CEACAM3: variants seen among roughly 807,000 people sequenced by gnomAD.
CEACAM3 encodes the protein CEA cell adhesion molecule 3, also known as cell adhesion molecule CEACAM3.
CEACAM3 carries 32 observed loss-of-function variants against 30.1 expected under a neutral mutation model. That is an observed-to-expected ratio of 1.06 (90% CI 0.80 to 1.43). The LOEUF is 1.43. Ranked by LOEUF, CEACAM3 falls within the 40% of genes most tolerant of loss-of-function variation. The probability of loss-of-function intolerance (pLI) is 0.00; values close to 1 mark genes in which losing one functional copy is unlikely to be tolerated. For synonymous variants in CEACAM3, 134 were observed against 127.2 expected (o/e 1.05, Z -0.36); for missense variants, 290 against 316.3 (o/e 0.92, Z 0.63).
rs561432911 is a variant in CEACAM3, at chr19:41,797,948, C to T, written c.424C>T (p.Gln142Ter). ...AGCAACTGGACAGTTCCATGTATAC[C>T]GTGAGTATTTCCACATGACCTCTGG... ...EEATGQFHVYQENAPGLPVGA... is the reference protein window; with the variant it reads ...EEATGQFHVY Residue 142 changes from glutamine to a stop codon, truncating the protein, a stop_gained and splice_region_variant, in exon 2 of 7, where the codon CAA becomes TAA. Transcript: ENST00000357396. LOFTEE classifies it high-confidence loss of function. 13 of 1,593,782 alleles carry T rather than the reference C, an allele frequency of 8.2e-6. No individual in the cohort carries two copies. The highest frequency in any genetic ancestry group is 1.7e-5 in the Admixed American group (1 of 58,466).
chr19:41,805,129 C>G (rs531508646), intron 2 of CEACAM3, among the ~76,000 whole-genome samples: 3 of 152,124 alleles, frequency 2.0e-5, no homozygotes, highest in African/African-American at 7.2e-5. Context: ...TGCTCTTATG[C>G]ATAAGAGATA....
chr19:41,803,714 C>T (rs2073174809), intron 2 of CEACAM3, among the ~76,000 whole-genome samples: 1 of 45,896 alleles, frequency 2.2e-5, no homozygotes, highest in African/African-American at 3.5e-5. Flanking sequence ...GATCTGCCCG[C>T]CTTGGCCTCC....
chr19:41,810,682 G>T (rs1179658435), intron 5 of CEACAM3, 150 bp from the exon 6 acceptor site: 1 of 768,392 alleles, frequency 1.3e-6, no homozygotes, highest in South Asian at 1.5e-5. Flanking sequence ...TCAGGGTGCT[G>T]TGTCCACACT....
intron 2 of CEACAM3, among the ~76,000 whole-genome samples, chr19:41,803,439 TGTGTGTGTGTGTGTG>T (rs2073169123): frequency 2.1e-5 from 3 of 140,934 alleles, no homozygotes; most frequent in African/African-American, 7.6e-5. Context: ...TGTGTGTGTG[TGTGTGTGTGTGTGTG>T]TGTGTTGTTT....
rs2073174880 is a variant in CEACAM3 at position 41,803,716 on chromosome 19, T to TGCAGC, written c.425-5097_425-5096insGCAGC. Reference sequence around the variant, plus strand: ...CTCCCAACCTCATGATCTGCCCGCCTTGGCCTCCAAAAGTGCTGGGATTAC... The same window carrying TGCAGC: ...CTCCCAACCTCATGATCTGCCCGCCTGCAGCTGGCCTCCAAAAGTGCTGGGATTAC... On this transcript the variant is annotated intron_variant, in intron 2 of 6. Coordinates refer to ENST00000357396, the MANE Select transcript of CEACAM3 (RefSeq NM_001815.5). Among the ~76,000 whole-genome samples the TGCAGC allele has an allele frequency of 4.4e-5, 2 of 45,686 alleles. 1 individual carries two copies. The highest frequency in any genetic ancestry group is 2.1e-4 in the Non-Finnish European group (2 of 9,594). 30.0% of individuals were successfully genotyped at this position (45,686 alleles called of 152,430 possible). A position where few individuals can be genotyped will look rare whatever the true frequency, so the allele number is the denominator to read the frequency against.
At chr19:41,810,405 G>C in intron 5 of CEACAM3, 51 bp downstream of exon 5, 1 of 1,555,050 alleles carries the variant, frequency 6.4e-7, no homozygotes. Context: ...AGCTGTGCAG[G>C]CTCTGGGCAG....
At chr19:41,802,837 T>A (rs925080049) in intron 2 of CEACAM3, among the ~76,000 whole-genome samples, 2 of 152,116 alleles carry the variant, frequency 1.3e-5, no homozygotes, top group Non-Finnish European at 2.9e-5. Context: ...AGTGGGTAAA[T>A]GTCCAACTCC....
rs115812254 is a variant in CEACAM3 at position 41,810,535 on chromosome 19, C to A, written c.627+181C>A. Reference sequence around the variant, plus strand: ...CTACAGGGTCAGGACCACCCACGCCCTGTGCTGACCCCTCCCCGGGACCCT... The same window carrying A: ...CTACAGGGTCAGGACCACCCACGCCATGTGCTGACCCCTCCCCGGGACCCT... On this transcript the variant is annotated intron_variant, in intron 5 of 6. Coordinates refer to ENST00000357396, the MANE Select transcript of CEACAM3 (RefSeq NM_001815.5). Among the ~76,000 whole-genome samples, 240 of 152,224 alleles carry A rather than the reference C, an allele frequency of 1.6e-3. 1 individual carries two copies. Among genetic ancestry groups the A allele is most frequent in the African/African-American group, 5.7e-3 (238 of 41,532 alleles).
At chr19:41,807,874 A>G (rs1193674861) in intron 2 of CEACAM3, among the ~76,000 whole-genome samples, 1 of 152,172 alleles carries the variant, frequency 6.6e-6, no homozygotes, top group African/African-American at 2.4e-5. Flanking sequence ...CCACCTGCAC[A>G]GTACTCCTGG....
chr19:41,807,394 C>T, intron 2 of CEACAM3: 1 of 614,086 alleles, frequency 1.6e-6, no homozygotes, highest in Non-Finnish European at 2.2e-6. Context: ...TCCTCTGTAT[C>T]TTCTGTTCCT....
chr19:41,811,112 G>A, intron 6 of CEACAM3, 60 bp from the exon 7 acceptor site: 3 of 1,572,782 alleles, frequency 1.9e-6, no homozygotes, highest in African/African-American at 1.4e-5. Context: ...GAGCCTGGGA[G>A]ACGCCACACC....
intron 2 of CEACAM3, among the ~76,000 whole-genome samples, chr19:41,799,748 C>A (rs1207691898): frequency 1.3e-5 from 2 of 152,156 alleles, no homozygotes; most frequent in Non-Finnish European, 2.9e-5. Flanking sequence ...CTCAGTAGTT[C>A]TCTGACGAAG....
At position 41,810,337 on chromosome 19, in the gene CEACAM3, C is replaced by T; in HGVS notation, c.610C>T (p.His204Tyr). 6.2e-7 allele frequency: 1 copy of T among 1,604,936 alleles called. No homozygotes were observed. The highest frequency in any genetic ancestry group is 8.5e-7 in the Non-Finnish European group (1 of 1,176,308). Residue 204 changes from histidine to tyrosine, a missense_variant, in exon 5 of 7, where the codon CAC (histidine) becomes TAC (tyrosine). Transcript: ENST00000357396. ...TCTGTTTCCAGGCCGTGGTCCCTCC[C>T]ACAGCTCTGCCTTCTCGGTAAGCCT... is the stretch of plus-strand genomic sequence containing the variant. ...QALAPGRGPS[H>Y]SSAFSMSPLS... is the part of the protein sequence containing the mutation.
At chr19:41,796,854 A>T in intron 1 of CEACAM3, 113 bp downstream of exon 1, 3 of 1,103,612 alleles carry the variant, frequency 2.7e-6, no homozygotes, top group Non-Finnish European at 3.9e-6. Context: ...CTGAAGCCTC[A>T]GGGGAGAGAA....
At chr19:41,811,108 G>C in intron 6 of CEACAM3, 64 bp from the exon 7 acceptor site, 1 of 1,565,202 alleles carries the variant, frequency 6.4e-7, no homozygotes, top group Non-Finnish European at 8.8e-7. Context: ...CCCAGAGCCT[G>C]GGAGACGCCA....
At chr19:41,805,438 G>A (rs1328157191) in intron 2 of CEACAM3, among the ~76,000 whole-genome samples, 1 of 151,882 alleles carries the variant, frequency 6.6e-6, no homozygotes, top group African/African-American at 2.4e-5. Flanking sequence ...ACAGGCATGT[G>A]CCACCACACC....
At chr19:41,811,136 A>G (rs1555827576) in intron 6 of CEACAM3, 36 bp from the exon 7 acceptor site, 1 of 1,606,834 alleles carries the variant, frequency 6.2e-7, no homozygotes, top group Non-Finnish European at 8.5e-7. Flanking sequence ...TTCTGAGGAG[A>G]CTAGAGGGGT....
chr19:41,802,390 C>A (rs1000525270), intron 2 of CEACAM3, among the ~76,000 whole-genome samples: 3 of 152,194 alleles, frequency 2.0e-5, no homozygotes, highest in African/African-American at 7.2e-5. Flanking sequence ...AGAAGCTAGG[C>A]CTCGGTGTTA....
Position 41,811,226 on chromosome 19 carries a change from G to T in CEACAM3, c.748G>T (p.Val250Leu), listed in dbSNP as rs1288607964. Residue 250 changes from valine to leucine, a missense_variant, in exon 7 of 7, where the codon GTG becomes TTG. By Grantham distance (32) the Val-to-Leu change is conservative. Transcript: ENST00000357396. ...CTGCCGGATGGACCACAAAGCAGAA[G>T]TGGCTTCTTAGCTTCCTCCAGGAGC... The part of the protein sequence containing the change: ...IYCRMDHKAE[V>L]AS The T allele has an allele frequency of 6.2e-7, 1 of 1,613,834 alleles. No homozygotes were observed. The highest frequency in any genetic ancestry group is 8.5e-7 in the Non-Finnish European group (1 of 1,180,016).
Sources: gnomAD v4.1 joint callset for allele counts (sites outside exome capture counted in the v4.1 genomes callset) on GRCh38, gnomAD v4.1.1 for gene constraint, MANE v1.5 for transcripts, NCBI Gene and HGNC (gene_info 2026-07-23, HGNC 2026-07-21) for gene names.